CLSTN2: variants seen among roughly 807,000 people sequenced by gnomAD.
CLSTN2 encodes calsyntenin-2.
CLSTN2 carries 48 observed loss-of-function variants against 101.2 expected under a neutral mutation model. The ratio of observed to expected loss-of-function variants is 0.47; its 90% CI spans 0.38 to 0.60. The LOEUF is 0.60. Ranked by LOEUF, CLSTN2 falls within the 20% of genes least tolerant of loss-of-function variation. The pLI is 0.00. For missense variants in CLSTN2, 1,160 were observed against 1,238.2 expected (o/e 0.94, Z 0.95); for synonymous variants, 481 against 463.6 (o/e 1.04, Z -0.48).
At chr3:140,391,285 C>T (rs557657552) in intron 2 of CLSTN2, among the ~76,000 whole-genome samples, 156 of 148,198 alleles carry the variant, frequency 1.1e-3, no homozygotes, top group African/African-American at 3.7e-3. Context: ...CTCATCCATC[C>T]CTAGTAGCTT....
intron 8 of CLSTN2, among the ~76,000 whole-genome samples, chr3:140,481,572 A>G (rs1193811850): frequency 6.6e-6 from 1 of 152,088 alleles, no homozygotes; most frequent in African/African-American, 2.4e-5. Flanking sequence ...GATTCTTCCT[A>G]CCCATGAGCA....
At chr3:140,026,495 T>G (rs890390572) in intron 1 of CLSTN2, among the ~76,000 whole-genome samples, 4 of 152,214 alleles carry the variant, frequency 2.6e-5, no homozygotes, top group African/African-American at 9.7e-5. Flanking sequence ...CCATCTTTTC[T>G]CTGCTTCCTG....
chr3:140,158,954 T>A (rs2010002718), intron 1 of CLSTN2, among the ~76,000 whole-genome samples: 1 of 152,150 alleles, frequency 6.6e-6, no homozygotes. Context: ...CAATAAATGA[T>A]GCTGGGATAA....
At chr3:140,180,622 A>C (rs978353226) in intron 2 of CLSTN2, among the ~76,000 whole-genome samples, 1 of 152,158 alleles carries the variant, frequency 6.6e-6, no homozygotes, top group African/African-American at 2.4e-5. Context: ...GAGACTTTTA[A>C]ATTTCAAGGG....
intron 8 of CLSTN2, among the ~76,000 whole-genome samples, chr3:140,493,215 C>G (rs1576596913): frequency 6.6e-6 from 1 of 152,156 alleles, no homozygotes; most frequent in East Asian, 1.9e-4. Context: ...ATGGCTTTAT[C>G]TCAGACACTT....
chr3:140,451,954 T>C (rs997944743), intron 6 of CLSTN2, among the ~76,000 whole-genome samples: 1 of 152,204 alleles, frequency 6.6e-6, no homozygotes, highest in Non-Finnish European at 1.5e-5. Context: ...TAATGAGTTC[T>C]GAACCAGGGG....
intron 1 of CLSTN2, among the ~76,000 whole-genome samples, chr3:140,096,132 G>A (rs2008864934): frequency 6.6e-6 from 1 of 152,168 alleles, no homozygotes; most frequent in Non-Finnish European, 1.5e-5. Context: ...CCCAGTTTTA[G>A]AGTTCTCTGC....
At chr3:140,532,214 TA>T in intron 8 of CLSTN2, 109 bp from the exon 9 acceptor site, 1 of 774,864 alleles carries the variant, frequency 1.3e-6, no homozygotes, top group Non-Finnish European at 2.0e-6. Flanking sequence ...TGCTTTGCAA[TA>T]AAAATTGTTG....
At chr3:140,061,372 C>T (rs974290495) in intron 1 of CLSTN2, among the ~76,000 whole-genome samples, 5 of 152,174 alleles carry the variant, frequency 3.3e-5, no homozygotes, top group African/African-American at 7.2e-5. Context: ...TCAAACAGCC[C>T]AGTACTGCAG....
intron 2 of CLSTN2, among the ~76,000 whole-genome samples, chr3:140,247,529 T>C (rs2086528065): frequency 6.6e-6 from 1 of 152,204 alleles, no homozygotes; most frequent in Non-Finnish European, 1.5e-5. Context: ...ATTTCTTTCA[T>C]TTAAAAACCA....
intron 1 of CLSTN2, among the ~76,000 whole-genome samples, chr3:140,023,130 C>T (rs370095021): frequency 2.1e-4 from 32 of 152,264 alleles, no homozygotes; most frequent in East Asian, 7.7e-4. Context: ...CCAGTGGGTT[C>T]GTTTCACTGA....
At chr3:140,377,646 G>T (rs2087931434) in intron 2 of CLSTN2, among the ~76,000 whole-genome samples, 1 of 151,982 alleles carries the variant, frequency 6.6e-6, no homozygotes, top group Admixed American at 6.5e-5. Flanking sequence ...TATAAAGAAA[G>T]AAAACATTTT....
At chr3:140,403,269 A>T (rs2088263786) in intron 2 of CLSTN2, among the ~76,000 whole-genome samples, 2 of 152,212 alleles carry the variant, frequency 1.3e-5, no homozygotes, top group South Asian at 4.1e-4. Context: ...TGGTAGCTGG[A>T]GACAGAAAAT....
intron 2 of CLSTN2, among the ~76,000 whole-genome samples, chr3:140,299,298 G>T (rs1003868701): frequency 1.3e-5 from 2 of 152,174 alleles, no homozygotes; most frequent in African/African-American, 2.4e-5. Flanking sequence ...GTTCCCAGCC[G>T]TTGTCCTTAA....
chr3:140,368,000 C>A (rs529206392), intron 2 of CLSTN2, among the ~76,000 whole-genome samples: 16 of 152,342 alleles, frequency 1.1e-4, no homozygotes, highest in Non-Finnish European at 4.4e-5. Flanking sequence ...ACAAACTTGT[C>A]TTCCAGACCC....
intron 5 of CLSTN2, among the ~76,000 whole-genome samples, chr3:140,426,275 C>A (rs2088564087): frequency 6.6e-6 from 1 of 152,136 alleles, no homozygotes; most frequent in Non-Finnish European, 1.5e-5. Context: ...TAATGCTCTC[C>A]CTCCTCCCTG....
chr3:139,960,408 T>C (rs1180490833), intron 1 of CLSTN2, among the ~76,000 whole-genome samples: 2 of 152,180 alleles, frequency 1.3e-5, no homozygotes, highest in African/African-American at 4.8e-5. Context: ...CATCCCACAC[T>C]AGATGTGAAC....
chr3:140,404,001 A>C (rs184512372), intron 3 of CLSTN2, among the ~76,000 whole-genome samples, 177 bp downstream of exon 3: 1 of 152,170 alleles, frequency 6.6e-6, no homozygotes, highest in African/African-American at 2.4e-5. Context: ...TGCTTTCCAC[A>C]CCTGCAATAT....
At chr3:140,513,584 T>TTC (rs142229966) in intron 8 of CLSTN2, among the ~76,000 whole-genome samples, 9 of 3,680 alleles carry the variant, frequency 2.4e-3, no homozygotes, top group African/African-American at 4.0e-3. Context: ...TTTTTCTTTC[T>TTC]TTTTTTTTTT....
Sources: allele counts gnomAD v4.1 joint callset (sites outside exome capture counted in the v4.1 genomes callset), GRCh38; gene constraint gnomAD v4.1.1; transcripts MANE v1.5; gene names NCBI Gene and HGNC (gene_info 2026-07-23, HGNC 2026-07-21).